Variants in WIPF3 observed in about 807,000 individuals in gnomAD.
WIPF3 encodes WAS/WASL-interacting protein family member 3.
Under a neutral mutation model 38.9 loss-of-function variants are expected in WIPF3, and 33 were observed. The observed-to-expected ratio is 0.85, with a 90% CI of 0.64 to 1.14. The LOEUF (loss-of-function observed/expected upper bound fraction) is 1.14, where lower values mean the gene tolerates loss of function less well. WIPF3 is among the 50% of genes most tolerant of loss of function. The probability of loss-of-function intolerance (pLI) is 0.00; values close to 1 mark genes in which losing one functional copy is unlikely to be tolerated. For synonymous variants in WIPF3, 324 were observed against 269.3 expected (o/e 1.20, Z -1.99); for missense variants, 711 against 652.5 (o/e 1.09, Z -0.98).
chr7:29,856,784 G>A (rs918693595), intron 2 of WIPF3, among the ~76,000 whole-genome samples: 3 of 152,136 alleles, frequency 2.0e-5, no homozygotes, highest in African/African-American at 7.2e-5. Flanking sequence ...CAGAAGGTTG[G>A]TGGGGTAGAA....
At chr7:29,842,153 C>G (rs1431832726) in intron 2 of WIPF3, among the ~76,000 whole-genome samples, 1 of 152,236 alleles carries the variant, frequency 6.6e-6, no homozygotes, top group Non-Finnish European at 1.5e-5. Flanking sequence ...CAGGCAAAGC[C>G]TGACAGTAGG....
At chr7:29,842,571 A>C (rs1441349140) in intron 2 of WIPF3, among the ~76,000 whole-genome samples, 5 of 152,174 alleles carry the variant, frequency 3.3e-5, no homozygotes, top group Non-Finnish European at 5.9e-5. Flanking sequence ...TCCTCGGCAA[A>C]GTGGGCTTTC....
Position 29,890,108 on chromosome 7 carries a change from C to T in WIPF3, c.1351+701C>T, listed in dbSNP as rs946483363. On this transcript the variant is annotated intron_variant, in intron 7 of 8. Transcript: ENST00000242140. ...CAGGCATGATCCATGCCTGTAACCC[C>T]AGCACTTTGGGAGGCTGAGGCAGGA... Among the ~76,000 whole-genome samples the T allele has an allele frequency of 1.2e-4, 18 of 152,132 alleles. 1 individual carries two copies. The highest frequency in any genetic ancestry group is 2.5e-4 in the Non-Finnish European group (17 of 68,032).
At chr7:29,885,066 C>T (rs1463151467) in intron 5 of WIPF3, among the ~76,000 whole-genome samples, 1 of 152,232 alleles carries the variant, frequency 6.6e-6, no homozygotes, top group Non-Finnish European at 1.5e-5. Flanking sequence ...GTTTTCCTAT[C>T]TGGATCCCAG....
chr7:29,823,347 C>T lies in WIPF3; in HGVS notation c.-57-11321C>T, dbSNP rs184755118. ...CACGATTTCGGCTCACTGCAACCTC[C>T]GTCTCCTGGGAGAACCCAACATTCA... On this transcript the variant is annotated intron_variant, in intron 1 of 8. Coordinates refer to ENST00000242140, the MANE Select transcript of WIPF3 (RefSeq NM_001080529.3). This position sits in a 1 kb window ranked among gnomAD's most constrained non-coding sequence, Gnocchi z 4.0. Among the ~76,000 whole-genome samples, 523 of 152,272 alleles carry T rather than the reference C, an allele frequency of 3.4e-3. 6 individuals are homozygous for T. The highest frequency in any genetic ancestry group is 7.9e-3 in the South Asian group (38 of 4,820).
intron 1 of WIPF3, among the ~76,000 whole-genome samples, chr7:29,832,464 C>T (rs541260899): frequency 7.9e-5 from 12 of 152,282 alleles, no homozygotes; most frequent in Admixed American, 2.0e-4. Context: ...GAAAGAAACA[C>T]GTACTACCCC....
chr7:29,855,306 C>T (rs968108679), intron 2 of WIPF3, among the ~76,000 whole-genome samples: 4 of 152,182 alleles, frequency 2.6e-5, no homozygotes, highest in African/African-American at 9.7e-5. Flanking sequence ...TTTGTTTTGC[C>T]TTGTTCTGTC....
At chr7:29,902,268 C>CTTTTTTTTTTTTTTTTTTTTTTT (rs1267369053) in intron 7 of WIPF3, among the ~76,000 whole-genome samples, 2 of 117,358 alleles carry the variant, frequency 1.7e-5, no homozygotes, top group African/African-American at 3.1e-5. Context: ...TCTTCTTCTT[C>CTTTTTTTTTTTTTTTTTTTTTTT]TTCTTCTTTT....
rs189466114 is a variant in WIPF3, at chr7:29,912,606, C to A, written c.1429-1887C>A. 402 of 212,564 alleles carry A rather than the reference C, an allele frequency of 1.9e-3. 1 individual carries two copies. Among genetic ancestry groups the A allele is most frequent in the Non-Finnish European group, 3.2e-3 (315 of 99,676 alleles). 13.2% of individuals were successfully genotyped at this position (212,564 alleles called of 1,614,324 possible). A position where few individuals can be genotyped will look rare whatever the true frequency, so the allele number is the denominator to read the frequency against. On this transcript the variant is annotated intron_variant, in intron 8 of 8. Coordinates refer to ENST00000242140, the MANE Select transcript of WIPF3 (RefSeq NM_001080529.3). ...ATGTGCCACTCTCTGAACCTTGTTA[C>A]AACCTTGGCACATTACCTGTCTGAC...
intron 4 of WIPF3, among the ~76,000 whole-genome samples, chr7:29,882,528 C>G (rs1314435136): frequency 6.6e-6 from 1 of 152,186 alleles, no homozygotes; most frequent in Non-Finnish European, 1.5e-5. Context: ...TTTGGAAAGC[C>G]AGATACCAAG....
intron 1 of WIPF3, among the ~76,000 whole-genome samples, chr7:29,814,324 G>A (rs6958967): frequency 0.11 from 17,492 of 152,132 alleles, 1,106 homozygotes; most frequent in African/African-American, 0.16. Flanking sequence ...CTGGCACATA[G>A]TAACCTTCAG....
chr7:29,847,602 G>C (rs1428852082), intron 2 of WIPF3, among the ~76,000 whole-genome samples: 1 of 151,980 alleles, frequency 6.6e-6, no homozygotes, highest in Non-Finnish European at 1.5e-5. Context: ...CTAATAGACT[G>C]AACAGGGGAA....
intron 2 of WIPF3, among the ~76,000 whole-genome samples, chr7:29,868,840 C>T (rs999907068): frequency 1.3e-5 from 2 of 152,008 alleles, no homozygotes; most frequent in Non-Finnish European, 2.9e-5. Context: ...TGTATCTAAC[C>T]ATATCTAAAC....
intron 1 of WIPF3, among the ~76,000 whole-genome samples, chr7:29,814,816 C>G (rs1784431827): frequency 1.3e-5 from 2 of 152,126 alleles, no homozygotes; most frequent in Admixed American, 6.6e-5. Flanking sequence ...AGCACCCTCC[C>G]AACCATGTAC....
intron 2 of WIPF3, among the ~76,000 whole-genome samples, chr7:29,845,301 A>T (rs1230940475): frequency 6.6e-6 from 1 of 152,212 alleles, no homozygotes; most frequent in African/African-American, 2.4e-5. Flanking sequence ...CGGGGCACAT[A>T]GTGAGGACAG....
Position 29,914,827 on chromosome 7 carries a change from C to T in WIPF3, c.*311C>T, listed in dbSNP as rs892961048. On this transcript the variant is annotated 3_prime_UTR_variant, in exon 9 of 9. Transcript: ENST00000242140. ...ACTGTGAATCTGCTTGCAGGCTGGC[C>T]CTTCCTAGATTCTGAACCGTTTGTA... is the stretch of plus-strand genomic sequence containing the variant. 1 of 215,026 alleles carries T rather than the reference C, an allele frequency of 4.7e-6. No homozygotes were observed. Among genetic ancestry groups the T allele is most frequent in the African/African-American group, 2.3e-5 (1 of 43,636 alleles). The allele number at this position is 215,026 out of a possible 1,614,324, so 13.3% of individuals were successfully genotyped here.
chr7:29,837,074 G>C (rs1454204751), intron 2 of WIPF3, among the ~76,000 whole-genome samples: 1 of 152,006 alleles, frequency 6.6e-6, no homozygotes, highest in African/African-American at 2.4e-5. Context: ...CACACATTTT[G>C]GCCGGGCATG....
At position 29,854,480 on chromosome 7, in the gene WIPF3, A is replaced by G. The variant is rs535888311; in HGVS notation, c.90+19666A>G. Among the ~76,000 whole-genome samples, 10 of 152,342 alleles carry G rather than the reference A, an allele frequency of 6.6e-5. No homozygotes were observed. In the South Asian group the frequency reaches 2.1e-3, roughly 32 times the overall value. ...AGCACTATATGCCAACAGGTGGACT[A>G]CATTTAACACTTGTTTGACTTTGAC... On this transcript the variant is annotated intron_variant, in intron 2 of 8. Coordinates refer to ENST00000242140, the MANE Select transcript of WIPF3 (RefSeq NM_001080529.3).
chr7:29,818,268 C>G (rs1784485915), intron 1 of WIPF3, among the ~76,000 whole-genome samples: 1 of 151,922 alleles, frequency 6.6e-6, no homozygotes, highest in East Asian at 1.9e-4. Context: ...GCCTGGTCAA[C>G]ATGGTGAAAC....
Sources: allele counts gnomAD v4.1 joint callset (sites outside exome capture counted in the v4.1 genomes callset), GRCh38; gene constraint gnomAD v4.1.1; non-coding constraint Gnocchi (gnomAD v3.1); transcripts MANE v1.5; gene names NCBI Gene and HGNC (gene_info 2026-07-23, HGNC 2026-07-21).